ADGRB3: variants seen among roughly 807,000 people sequenced by gnomAD.
ADGRB3 encodes brain-specific angiogenesis inhibitor 3.
A neutral mutation model predicts 193.4 loss-of-function variants in ADGRB3; 37 were observed. The observed-to-expected ratio is 0.19, with a 90% CI of 0.15 to 0.25. The LOEUF (loss-of-function observed/expected upper bound fraction) is 0.25. ADGRB3 is among the 10% of genes least tolerant of loss of function. ADGRB3 has a pLI of 1.00. For missense variants in ADGRB3, 1,637 were observed against 1,852.9 expected (o/e 0.88, Z 2.14); for synonymous variants, 690 against 644.2 (o/e 1.07, Z -1.08).
At chr6:69,009,668 G>C (rs1769875254) in intron 11 of ADGRB3, among the ~76,000 whole-genome samples, 1 of 152,114 alleles carries the variant, frequency 6.6e-6, no homozygotes, top group South Asian at 2.1e-4. Context: ...CTGCTTCCTT[G>C]TTTGTTAAGC....
chr6:68,920,913 A>G (rs541875383), intron 3 of ADGRB3, among the ~76,000 whole-genome samples: 1 of 152,330 alleles, frequency 6.6e-6, no homozygotes, highest in East Asian at 1.9e-4. Flanking sequence ...GACCCAAATT[A>G]TTGTCTTGGT....
intron 17 of ADGRB3, among the ~76,000 whole-genome samples, chr6:69,176,491 T>C (rs1404034895): frequency 6.6e-6 from 1 of 152,226 alleles, no homozygotes; most frequent in Non-Finnish European, 1.5e-5. Context: ...GAAGCCTACT[T>C]GATCATGATG....
rs942272745 is a variant in ADGRB3, at chr6:69,286,051, T to G, written c.2815-38821T>G. ...TTGAAACTTGGGCCTTCTAGTTACC[T>G]TAGACCATTCTTGTTCCACTTCTGC... On this transcript the variant is annotated intron_variant, in intron 20 of 31. Transcript: ENST00000370598. Among the ~76,000 whole-genome samples, 48 of 152,252 alleles carry G rather than the reference T, an allele frequency of 3.2e-4. 1 individual carries two copies. The highest frequency in any genetic ancestry group is 1.1e-3 in the African/African-American group (47 of 41,560).
At chr6:68,661,588 A>C (rs1256379926) in intron 3 of ADGRB3, among the ~76,000 whole-genome samples, 6 of 138,020 alleles carry the variant, frequency 4.3e-5, no homozygotes, top group African/African-American at 1.6e-4. Context: ...ACCTATGGCT[A>C]TTTGGATTTA....
rs1768915772 is a variant in ADGRB3 at position 69,339,028 on chromosome 6, A to G, written c.3287+14A>G. ...CAGTAACGCCATGTTAGTCCCAATC[A>G]TTTACATCTTCTTGTTACAAATCTT... On this transcript the variant is annotated intron_variant, in intron 25 of 31. Transcript: ENST00000370598. 2 of 1,611,796 alleles carry G rather than the reference A, an allele frequency of 1.2e-6. No individual in the cohort carries two copies. The highest frequency in any genetic ancestry group is 1.7e-6 in the Non-Finnish European group (2 of 1,178,638).
At position 69,263,565 on chromosome 6, in the gene ADGRB3, G is replaced by A. The variant is rs747407545; in HGVS notation, c.2814+24339G>A. Among the ~76,000 whole-genome samples, 8 of 151,970 alleles carry A rather than the reference G, an allele frequency of 5.3e-5. No individual in the cohort carries two copies. The South Asian group carries it at 8.3e-4, about 16-fold the overall frequency. On this transcript the variant is annotated intron_variant, in intron 20 of 31. Transcript: ENST00000370598. Reference sequence around the variant, plus strand: ...AACACGTGTCATATTTGCCTCATGTGCAAGTCTTGCATATGTTAACTTAAT... The same window carrying A: ...AACACGTGTCATATTTGCCTCATGTACAAGTCTTGCATATGTTAACTTAAT...
At chr6:69,004,391 T>C (rs1769678964) in intron 11 of ADGRB3, among the ~76,000 whole-genome samples, 1 of 152,038 alleles carries the variant, frequency 6.6e-6, no homozygotes, top group Admixed American at 6.6e-5. Context: ...CTGTGTGTTC[T>C]AATATCCTCT....
chr6:68,999,740 C>G (rs988315068), intron 11 of ADGRB3, among the ~76,000 whole-genome samples: 1 of 152,154 alleles, frequency 6.6e-6, no homozygotes, highest in Admixed American at 6.5e-5. Context: ...CACACAACAT[C>G]ATAATTATTG....
At chr6:68,814,858 G>A (rs1767597291) in intron 3 of ADGRB3, among the ~76,000 whole-genome samples, 1 of 152,072 alleles carries the variant, frequency 6.6e-6, no homozygotes, top group Non-Finnish European at 1.5e-5. Flanking sequence ...ATGTAATCCA[G>A]CATATAATCA....
chr6:68,998,925 G>A (rs6903686), intron 11 of ADGRB3, among the ~76,000 whole-genome samples: 17,507 of 152,084 alleles, frequency 0.12, 1,268 homozygotes, highest in African/African-American at 0.21. Flanking sequence ...CTATAAAACT[G>A]TATTTTATCC....
chr6:69,256,682 G>A (rs541030513), intron 20 of ADGRB3, among the ~76,000 whole-genome samples: 39 of 152,274 alleles, frequency 2.6e-4, no homozygotes, highest in African/African-American at 9.1e-4. Flanking sequence ...TTTCCTAAAT[G>A]AATACCCTTT....
At chr6:69,100,357 A>G (rs1220213445) in intron 17 of ADGRB3, among the ~76,000 whole-genome samples, 1 of 152,160 alleles carries the variant, frequency 6.6e-6, no homozygotes, top group Non-Finnish European at 1.5e-5. Flanking sequence ...ACTAAAAAAT[A>G]AAAATCAAAA....
intron 20 of ADGRB3, among the ~76,000 whole-genome samples, chr6:69,242,962 C>G (rs1252867660): frequency 6.6e-6 from 1 of 151,846 alleles, no homozygotes; most frequent in African/African-American, 2.4e-5. Context: ...TTGCAGAAAG[C>G]AAAGATTATT....
intron 13 of ADGRB3, among the ~76,000 whole-genome samples, chr6:69,046,218 G>A (rs6904267): frequency 3.3e-5 from 5 of 151,888 alleles, no homozygotes; most frequent in Middle Eastern, 3.2e-3. Context: ...GAAACTAATT[G>A]TATGGCAGTC....
intron 3 of ADGRB3, among the ~76,000 whole-genome samples, chr6:68,713,658 G>T: frequency 6.7e-6 from 1 of 149,728 alleles, no homozygotes; most frequent in African/African-American, 2.5e-5. Context: ...CCCTCTTTTT[G>T]CCCCTACATT....
At chr6:69,265,713 G>T (rs1767025664) in intron 20 of ADGRB3, among the ~76,000 whole-genome samples, 1 of 152,044 alleles carries the variant, frequency 6.6e-6, no homozygotes, top group Non-Finnish European at 1.5e-5. Context: ...AAATAGAATT[G>T]CTCCTGGCCA....
chr6:68,985,657 G>A (rs535628740), intron 10 of ADGRB3, among the ~76,000 whole-genome samples: 1 of 152,220 alleles, frequency 6.6e-6, no homozygotes, highest in South Asian at 2.1e-4. Flanking sequence ...GCCCTTGAAG[G>A]ACTGTAATAA....
At chr6:69,336,156 T>C (rs2127317473) in intron 24 of ADGRB3, among the ~76,000 whole-genome samples, 1 of 152,164 alleles carries the variant, frequency 6.6e-6, no homozygotes, top group African/African-American at 2.4e-5. Context: ...TACTCAGGTA[T>C]TAAGCCTAGT....
At chr6:69,383,311 TG>T (rs1769990947) in intron 31 of ADGRB3, among the ~76,000 whole-genome samples, 1 of 151,994 alleles carries the variant, frequency 6.6e-6, no homozygotes, top group African/African-American at 2.4e-5. Flanking sequence ...AATTGTTTTA[TG>T]TATATGAAGT....
Sources: gnomAD v4.1 joint callset for allele counts (sites outside exome capture counted in the v4.1 genomes callset) on GRCh38, gnomAD v4.1.1 for gene constraint, MANE v1.5 for transcripts, NCBI Gene and HGNC (gene_info 2026-07-23, HGNC 2026-07-21) for gene names.